The following STPG2 variants were observed in gnomAD, a reference collection of about 807,000 sequenced individuals.
STPG2 encodes sperm-tail PG-rich repeat-containing protein 2.
In STPG2, 56 loss-of-function variants were observed where a neutral mutation model predicts 54.2. That is an observed-to-expected ratio of 1.03 (90% CI 0.83 to 1.29). STPG2 has a LOEUF of 1.29. Ranked by LOEUF, STPG2 falls within the 50% of genes most tolerant of loss-of-function variation. STPG2 has a pLI of 0.00. For missense variants in STPG2, 596 were observed against 544.9 expected, an observed-to-expected ratio of 1.09 and a Z score of -0.93; for synonymous variants, 200 against 181.8, an observed-to-expected ratio of 1.10 and a Z score of -0.81.
At chr4:97,514,593 A>C (rs934149450) in intron 4 of STPG2, among the ~76,000 whole-genome samples, 4 of 152,146 alleles carry the variant, frequency 2.6e-5, no homozygotes, top group African/African-American at 9.7e-5. Context: ...TGAAGAGTAA[A>C]CACAACTGAA....
chr4:97,772,088 A>C (rs1175923094), intron 9 of STPG2, among the ~76,000 whole-genome samples: 1 of 152,200 alleles, frequency 6.6e-6, no homozygotes, highest in Non-Finnish European at 1.5e-5. Context: ...AGAAAACACA[A>C]CATCATGCTC....
intron 8 of STPG2, among the ~76,000 whole-genome samples, chr4:97,846,642 A>G (rs932357352): frequency 6.6e-6 from 1 of 151,336 alleles, no homozygotes; most frequent in Non-Finnish European, 1.5e-5. Flanking sequence ...AAAAAAAAAA[A>G]AAAACACAGG....
intron 10 of STPG2, among the ~76,000 whole-genome samples, chr4:97,694,235 T>C (rs947177652): frequency 2.0e-5 from 3 of 152,052 alleles, no homozygotes; most frequent in Admixed American, 6.6e-5. Context: ...AAAAGGCCAG[T>C]TCTTTGAAAA....
intron 9 of STPG2, among the ~76,000 whole-genome samples, chr4:97,783,236 A>G (rs1726709385): frequency 6.6e-6 from 1 of 152,208 alleles, no homozygotes; most frequent in Non-Finnish European, 1.5e-5. Context: ...ATTTACAAGA[A>G]AAAACAACCG....
At chr4:98,045,639 T>C (rs1034930014) in intron 5 of STPG2, among the ~76,000 whole-genome samples, 1 of 152,148 alleles carries the variant, frequency 6.6e-6, no homozygotes, top group African/African-American at 2.4e-5. Context: ...GACCATTTTT[T>C]TCTTTTAGCA....
At chr4:98,139,601 A>C (rs570155213) in intron 1 of STPG2, among the ~76,000 whole-genome samples, 2 of 152,152 alleles carry the variant, frequency 1.3e-5, no homozygotes, top group Non-Finnish European at 2.9e-5. Flanking sequence ...ATTATCTTTC[A>C]GAGAATCCAG....
chr4:97,734,925 T>C (rs1476542127), intron 9 of STPG2, among the ~76,000 whole-genome samples: 2 of 151,830 alleles, frequency 1.3e-5, no homozygotes, highest in Admixed American at 6.6e-5. Context: ...ACAAAAAAAT[T>C]AGCTGGGCAT....
chr4:97,851,540 CCTTT>C (rs1013280051), intron 8 of STPG2, among the ~76,000 whole-genome samples: 12 of 152,070 alleles, frequency 7.9e-5, no homozygotes, highest in Non-Finnish European at 1.0e-4. Context: ...CTTTTGTTCA[CCTTT>C]CTGTGTTGTA....
intron 4 of STPG2, among the ~76,000 whole-genome samples, chr4:97,548,554 A>C (rs1269896429): frequency 6.6e-6 from 1 of 151,524 alleles, no homozygotes; most frequent in Non-Finnish European, 1.5e-5. Context: ...TAATAAACTT[A>C]GTATGAAATA....
At chr4:97,656,211 A>G (rs746696730) in intron 10 of STPG2, among the ~76,000 whole-genome samples, 1 of 152,270 alleles carries the variant, frequency 6.6e-6, no homozygotes, top group Non-Finnish European at 1.5e-5. Context: ...GTGTTGCAGT[A>G]TTGCCACATC....
At chr4:97,545,732 CA>C (rs1161552952) in intron 4 of STPG2, among the ~76,000 whole-genome samples, 1 of 151,280 alleles carries the variant, frequency 6.6e-6, no homozygotes, top group East Asian at 1.9e-4. Context: ...GGTTGAATTC[CA>C]AAAAAACCTA....
chr4:97,875,004 A>T (rs1292710877), intron 8 of STPG2, among the ~76,000 whole-genome samples: 1 of 151,986 alleles, frequency 6.6e-6, no homozygotes, highest in Non-Finnish European at 1.5e-5. Context: ...AGCCTAAAAT[A>T]AGACATTATA....
chr4:97,992,137 G>A (rs1469574125), intron 5 of STPG2, among the ~76,000 whole-genome samples: 5 of 152,060 alleles, frequency 3.3e-5, no homozygotes, highest in East Asian at 1.9e-4. Flanking sequence ...TTTCTGTTGC[G>A]TTTGCTATTG....
chr4:97,512,704 T>A (rs1228208868), intron 4 of STPG2, among the ~76,000 whole-genome samples: 1 of 152,032 alleles, frequency 6.6e-6, no homozygotes, highest in Non-Finnish European at 1.5e-5. Context: ...GGTTTAAAAA[T>A]ATTAGTAATA....
Position 97,826,068 on chromosome 4 carries a change from C to T in STPG2, c.1204+14705G>A, listed in dbSNP as rs117210887. ...TGGAGAGCCTTGCCCTCTAGCTATGCGGGGAAGAGTCAGCTTTTATCTACA... is the reference window on the plus strand; with the variant it reads ...TGGAGAGCCTTGCCCTCTAGCTATGTGGGGAAGAGTCAGCTTTTATCTACA... On this transcript the variant is annotated intron_variant, in intron 9 of 10. Coordinates refer to ENST00000295268, the MANE Select transcript of STPG2 (RefSeq NM_174952.3). Among the ~76,000 whole-genome samples, 47 of 152,088 alleles carry T rather than the reference C, an allele frequency of 3.1e-4. No homozygotes were observed. In the East Asian group the frequency reaches 7.2e-3, roughly 23 times the overall value.
intron 8 of STPG2, among the ~76,000 whole-genome samples, chr4:97,876,791 G>A (rs1021665731): frequency 7.9e-5 from 12 of 151,664 alleles, no homozygotes; most frequent in African/African-American, 2.2e-4. Flanking sequence ...ATTTTATATC[G>A]ATGAGAATTT....
intron 10 of STPG2, among the ~76,000 whole-genome samples, chr4:97,688,920 T>C (rs1239954706): frequency 3.3e-5 from 5 of 152,200 alleles, no homozygotes; most frequent in Non-Finnish European, 7.3e-5. Context: ...GATATATACA[T>C]AGCATTTTTA....
At chr4:97,966,807 G>C (rs1265639662) in intron 7 of STPG2, among the ~76,000 whole-genome samples, 1 of 152,126 alleles carries the variant, frequency 6.6e-6, no homozygotes, top group Admixed American at 6.5e-5. Flanking sequence ...ATCCTTAACA[G>C]AAACGCAAAG....
intron 3 of STPG2, among the ~76,000 whole-genome samples, chr4:98,119,658 A>G (rs1169149001): frequency 6.6e-6 from 1 of 152,002 alleles, no homozygotes; most frequent in African/African-American, 2.4e-5. Context: ...GGTTTGTTAC[A>G]TAGGTAAACA....
Sources: allele counts gnomAD v4.1 joint callset (sites outside exome capture counted in the v4.1 genomes callset), GRCh38; gene constraint gnomAD v4.1.1; transcripts MANE v1.5; gene names NCBI Gene and HGNC (gene_info 2026-07-23, HGNC 2026-07-21).